Variants in GNA14 observed in about 807,000 individuals in gnomAD.
The protein encoded by GNA14 is guanine nucleotide-binding protein subunit alpha-14.
In GNA14, 50 loss-of-function variants were observed where a neutral mutation model predicts 42.0. That is an observed-to-expected ratio of 1.19 (90% CI 0.95 to 1.51). The LOEUF (loss-of-function observed/expected upper bound fraction) is 1.51, where lower values mean the gene tolerates loss of function less well. Ranked by LOEUF, GNA14 falls within the 40% of genes most tolerant of loss-of-function variation. The pLI is 0.00. For synonymous variants in GNA14, 173 were observed against 163.1 expected (o/e 1.06, Z -0.46); for missense variants, 473 against 446.2 (o/e 1.06, Z -0.54).
chr9:77,647,749 C>T lies in GNA14; in HGVS notation c.45G>A (p.Gln15=), dbSNP rs1444309810. 1 of 1,610,090 alleles carries T rather than the reference C, an allele frequency of 6.2e-7. No individual in the cohort carries two copies. The highest frequency in any genetic ancestry group is 1.3e-5 in the African/African-American group (1 of 75,026). Residue 15 remains glutamine, a synonymous_variant, in exon 1 of 7, where the codon CAG becomes CAA. Transcript: ENST00000341700. ...CCLSAEEKES[Q]RISAEIERQL... ...GTCGCTCGATCTCCGCGCTGATGCG[C>T]TGCGACTCCTTCTCCTCCGCGGACA...
intron 2 of GNA14, among the ~76,000 whole-genome samples, chr9:77,450,049 T>C (rs1835879878): frequency 1.3e-5 from 2 of 152,180 alleles, no homozygotes; most frequent in Non-Finnish European, 2.9e-5. Flanking sequence ...ACATTTGGAA[T>C]TCTGGGATTC....
At chr9:77,473,177 A>G (rs989068248) in intron 2 of GNA14, among the ~76,000 whole-genome samples, 2 of 152,346 alleles carry the variant, frequency 1.3e-5, no homozygotes, top group Middle Eastern at 6.8e-3. Flanking sequence ...AAGACTGTGC[A>G]TGAGCACAAT....
At chr9:77,546,539 C>A (rs1282371381) in intron 1 of GNA14, among the ~76,000 whole-genome samples, 2 of 152,126 alleles carry the variant, frequency 1.3e-5, no homozygotes, top group African/African-American at 4.8e-5. Context: ...CCATTGATCG[C>A]CTAGCTGGGC....
At chr9:77,460,018 T>C (rs1465414102) in intron 2 of GNA14, among the ~76,000 whole-genome samples, 1 of 152,170 alleles carries the variant, frequency 6.6e-6, no homozygotes, top group Non-Finnish European at 1.5e-5. Flanking sequence ...CCTCTCTGCT[T>C]TGGTCTCCCT....
intron 2 of GNA14, among the ~76,000 whole-genome samples, chr9:77,516,901 A>C (rs185040992): frequency 6.6e-6 from 1 of 152,306 alleles, no homozygotes; most frequent in Admixed American, 6.5e-5. Flanking sequence ...TAAAGATGGG[A>C]AAGTGAGGAT....
chr9:77,456,211 T>A (rs1296092942), intron 2 of GNA14: 1 of 152,100 alleles, frequency 6.6e-6, no homozygotes, highest in Non-Finnish European at 1.5e-5. Context: ...AGAACAACCA[T>A]TCAATTCCAA....
At chr9:77,614,895 A>C (rs1385499765) in intron 1 of GNA14, among the ~76,000 whole-genome samples, 1 of 152,228 alleles carries the variant, frequency 6.6e-6, no homozygotes, top group African/African-American at 2.4e-5. Context: ...GGGGTGGTAG[A>C]TTGCAAATAC....
intron 1 of GNA14, among the ~76,000 whole-genome samples, chr9:77,627,113 A>C (rs1824023863): frequency 6.6e-6 from 1 of 152,210 alleles, no homozygotes; most frequent in Admixed American, 6.5e-5. Context: ...ACCTTTACAT[A>C]AATAAACTAG....
chr9:77,515,974 A>AAAAAAAAAACAAC (rs1837251180), intron 2 of GNA14, among the ~76,000 whole-genome samples: 2 of 149,052 alleles, frequency 1.3e-5, no homozygotes, highest in Non-Finnish European at 3.0e-5. Context: ...AAAAAAAAAA[A>AAAAAAAAAACAAC]AAAAAAAAAC....
chr9:77,478,362 A>AT (rs988604074), intron 2 of GNA14, among the ~76,000 whole-genome samples: 2 of 152,122 alleles, frequency 1.3e-5, no homozygotes, highest in Admixed American at 1.3e-4. Context: ...TGAACTCAAC[A>AT]TTTTTTATGG....
intron 1 of GNA14, among the ~76,000 whole-genome samples, chr9:77,530,860 CTG>C (rs1020475312): frequency 4.6e-5 from 7 of 152,228 alleles, no homozygotes; most frequent in African/African-American, 1.7e-4. Flanking sequence ...TAGGTAGACA[CTG>C]TCCTCCCATC....
At chr9:77,530,779 G>A (rs1482687450) in intron 1 of GNA14, among the ~76,000 whole-genome samples, 1 of 152,198 alleles carries the variant, frequency 6.6e-6, no homozygotes, top group Non-Finnish European at 1.5e-5. Flanking sequence ...GGGCACATGG[G>A]AGAACCCCCA....
intron 2 of GNA14, among the ~76,000 whole-genome samples, chr9:77,454,577 A>ATTTT (rs35309093): frequency 7.8e-6 from 1 of 128,638 alleles, no homozygotes; most frequent in African/African-American, 2.9e-5. Flanking sequence ...GGCCATCAGG[A>ATTTT]TTTTTTTTTT....
intron 1 of GNA14, among the ~76,000 whole-genome samples, chr9:77,587,560 A>G (rs529911666): frequency 7.6e-6 from 1 of 131,750 alleles, no homozygotes; most frequent in Non-Finnish European, 1.5e-5. Flanking sequence ...CAAAAGTCAC[A>G]TAAGATTGGA....
chr9:77,578,723 C>T (rs1481973890), intron 1 of GNA14, among the ~76,000 whole-genome samples: 1 of 152,148 alleles, frequency 6.6e-6, no homozygotes, highest in Non-Finnish European at 1.5e-5. Flanking sequence ...TCATACTTCC[C>T]ATATTGTAGT....
At chr9:77,546,815 T>C (rs903723101) in intron 1 of GNA14, among the ~76,000 whole-genome samples, 3 of 152,202 alleles carry the variant, frequency 2.0e-5, no homozygotes, top group African/African-American at 7.2e-5. Flanking sequence ...TGTGGGGAGA[T>C]GTATTCAAAA....
intron 1 of GNA14, among the ~76,000 whole-genome samples, chr9:77,608,542 A>C (rs1823674723): frequency 6.6e-6 from 1 of 152,056 alleles, no homozygotes; most frequent in Non-Finnish European, 1.5e-5. Context: ...CAAAAACTAG[A>C]ATGGCCACCC....
At chr9:77,566,679 C>T (rs1306263383) in intron 1 of GNA14, among the ~76,000 whole-genome samples, 3 of 152,112 alleles carry the variant, frequency 2.0e-5, no homozygotes, top group Non-Finnish European at 1.5e-5. Context: ...GTTTGTACAA[C>T]CACCAACAGG....
intron 2 of GNA14, among the ~76,000 whole-genome samples, chr9:77,446,126 G>A (rs549930391): frequency 1.4e-4 from 22 of 152,280 alleles, no homozygotes; most frequent in Admixed American, 1.3e-4. Context: ...AGGGCTCACG[G>A]GAGCTCTCAG....
Sources: gnomAD v4.1 joint callset for allele counts (sites outside exome capture counted in the v4.1 genomes callset) on GRCh38, gnomAD v4.1.1 for gene constraint, MANE v1.5 for transcripts, NCBI Gene and HGNC (gene_info 2026-07-23, HGNC 2026-07-21) for gene names.